Variants in HHAT observed in about 807,000 individuals in gnomAD.
The protein encoded by HHAT is hedgehog acyltransferase.
Under a neutral mutation model 70.8 loss-of-function variants are expected in HHAT, and 47 were observed. The observed-to-expected ratio is 0.66, with a 90% confidence interval of 0.53 to 0.85. The LOEUF is 0.85. Ranked by LOEUF, HHAT falls within the 40% of genes least tolerant of loss-of-function variation. The pLI is 0.00. For missense variants in HHAT, 609 were observed against 604.8 expected (o/e 1.01, Z -0.07); for synonymous variants, 228 against 247.6 (o/e 0.92, Z 0.74).
chr1:210,341,990 CTT>C (rs1333151082), intron 1 of HHAT, among the ~76,000 whole-genome samples: 1 of 152,118 alleles, frequency 6.6e-6, no homozygotes, highest in Non-Finnish European at 1.5e-5. Flanking sequence ...AATTCTCACT[CTT>C]TTCAACAACA....
intron 9 of HHAT, among the ~76,000 whole-genome samples, chr1:210,520,548 A>G (rs920064256): frequency 6.6e-6 from 1 of 151,754 alleles, no homozygotes; most frequent in African/African-American, 2.4e-5. Flanking sequence ...TGTGGTTACT[A>G]TGGGACTAAC....
Position 210,664,435 on chromosome 1 carries a change from A to G in HHAT, c.1391-9853A>G, listed in dbSNP as rs754951233. Among the ~76,000 whole-genome samples the G allele has an allele frequency of 2.2e-4, 33 of 152,246 alleles. 1 individual carries two copies. The highest frequency in any genetic ancestry group is 5.9e-5 in the Non-Finnish European group (4 of 68,050). On this transcript the variant is annotated intron_variant, in intron 11 of 11. Transcript: ENST00000261458. ...GCAGCAGTGCATAAAGTCATTCTGA[A>G]TAATTAATGAGATAATGGTTGTGAA...
intron 10 of HHAT, among the ~76,000 whole-genome samples, chr1:210,612,273 C>T (rs1026490818): frequency 2.6e-5 from 4 of 152,284 alleles, no homozygotes; most frequent in African/African-American, 7.2e-5. Context: ...CCTCAATCTC[C>T]AGAACTTTTT....
intron 1 of HHAT, among the ~76,000 whole-genome samples, chr1:210,342,341 C>G (rs936822115): frequency 6.6e-6 from 1 of 152,198 alleles, no homozygotes; most frequent in African/African-American, 2.4e-5. Context: ...CCACTTGGCT[C>G]CTGTTCTCCC....
chr1:210,669,009 G>A (rs754570134), intron 11 of HHAT, among the ~76,000 whole-genome samples: 6 of 152,092 alleles, frequency 3.9e-5, no homozygotes, highest in East Asian at 1.9e-4. Context: ...GCCTGACCTC[G>A]TGATCCACCC....
chr1:210,595,468 T>G (rs1662763962), intron 10 of HHAT, among the ~76,000 whole-genome samples: 1 of 152,252 alleles, frequency 6.6e-6, no homozygotes, highest in Non-Finnish European at 1.5e-5. Context: ...TATAATCCTT[T>G]GGGTATATAC....
At chr1:210,363,997 C>T (rs962397367) in intron 3 of HHAT, among the ~76,000 whole-genome samples, 16 of 152,176 alleles carry the variant, frequency 1.1e-4, no homozygotes, top group Admixed American at 8.5e-4. Context: ...ACAAATGTAG[C>T]TCAATTTCCA....
intron 8 of HHAT, among the ~76,000 whole-genome samples, chr1:210,502,123 G>A (rs1304243276): frequency 6.6e-6 from 1 of 151,328 alleles, no homozygotes; most frequent in Non-Finnish European, 1.5e-5. Context: ...GGTGGCTCAC[G>A]CCTGTAATCC....
At chr1:210,407,031 G>T (rs752055194) in intron 6 of HHAT, among the ~76,000 whole-genome samples, 1 of 152,158 alleles carries the variant, frequency 6.6e-6, no homozygotes, top group African/African-American at 2.4e-5. Context: ...TCTAGAAAAG[G>T]ATAAATGTTC....
intron 6 of HHAT, among the ~76,000 whole-genome samples, chr1:210,408,826 T>C (rs537952359): frequency 3.7e-4 from 57 of 152,200 alleles, no homozygotes; most frequent in Non-Finnish European, 6.3e-4. Context: ...TAATAAAATA[T>C]ACTAGGTGAT....
At chr1:210,660,789 A>T (rs1009259596) in intron 11 of HHAT, among the ~76,000 whole-genome samples, 7 of 152,186 alleles carry the variant, frequency 4.6e-5, no homozygotes, top group Non-Finnish European at 8.8e-5. Flanking sequence ...ATGTTTGACA[A>T]ACCCGACAAA....
intron 8 of HHAT, among the ~76,000 whole-genome samples, chr1:210,486,778 C>A (rs1354102727): frequency 6.6e-6 from 1 of 152,174 alleles, no homozygotes; most frequent in Non-Finnish European, 1.5e-5. Flanking sequence ...GAATCACTGT[C>A]ATCTAAAATC....
chr1:210,597,294 C>T (rs762968128), intron 10 of HHAT, among the ~76,000 whole-genome samples: 2 of 152,204 alleles, frequency 1.3e-5, no homozygotes, highest in Non-Finnish European at 2.9e-5. Context: ...TAGCACAGTA[C>T]TGGGTCTTGC....
intron 8 of HHAT, among the ~76,000 whole-genome samples, chr1:210,497,703 AG>A (rs1451856428): frequency 1.3e-5 from 2 of 151,504 alleles, no homozygotes; most frequent in Non-Finnish European, 2.9e-5. Flanking sequence ...GTGGGCTCGC[AG>A]GTCTGTAGAG....
At chr1:210,514,797 T>C (rs934639765) in intron 9 of HHAT, among the ~76,000 whole-genome samples, 3 of 152,194 alleles carry the variant, frequency 2.0e-5, no homozygotes, top group African/African-American at 7.2e-5. Flanking sequence ...CTTGGATATG[T>C]CTGGGAATGC....
intron 1 of HHAT, among the ~76,000 whole-genome samples, chr1:210,343,730 G>A (rs1408190642): frequency 6.6e-6 from 1 of 152,182 alleles, no homozygotes; most frequent in Admixed American, 6.5e-5. Flanking sequence ...TTGGGCGTCA[G>A]AAGAGGAATG....
intron 3 of HHAT, among the ~76,000 whole-genome samples, chr1:210,387,082 A>T (rs1362199175): frequency 6.6e-6 from 1 of 152,102 alleles, no homozygotes; most frequent in East Asian, 1.9e-4. Flanking sequence ...TATCCCTGTG[A>T]ACTTGGGTAA....
chr1:210,336,327 C>T (rs965568855), intron 1 of HHAT, among the ~76,000 whole-genome samples: 4 of 97,714 alleles, frequency 4.1e-5, no homozygotes, highest in Non-Finnish European at 9.1e-5. Context: ...AGGGTCTTAC[C>T]ATGTTGCCCA....
At chr1:210,362,392 A>G (rs554312440) in intron 2 of HHAT, among the ~76,000 whole-genome samples, 177 of 152,058 alleles carry the variant, frequency 1.2e-3, no homozygotes, top group Non-Finnish European at 1.9e-3. Flanking sequence ...ACACCTGGCT[A>G]ATTTTTGTAT....
Sources: allele counts gnomAD v4.1 joint callset (sites outside exome capture counted in the v4.1 genomes callset), GRCh38; gene constraint gnomAD v4.1.1; transcripts MANE v1.5; gene names NCBI Gene and HGNC (gene_info 2026-07-23, HGNC 2026-07-21).